The following NCAN variants were observed in gnomAD, a reference collection of about 807,000 sequenced individuals.
NCAN encodes neurocan.
In NCAN, 47 loss-of-function variants were observed where a neutral mutation model predicts 121.8. That is an observed-to-expected ratio of 0.39 (90% CI 0.31 to 0.49). The LOEUF is 0.49. Ranked by LOEUF, NCAN falls within the 20% of genes least tolerant of loss-of-function variation. The pLI, the probability that NCAN is intolerant of heterozygous loss-of-function variation, is 0.92. For synonymous variants in NCAN, 633 were observed against 702.0 expected (o/e 0.90, Z 1.55); for missense variants, 1,517 against 1,773.4 (o/e 0.86, Z 2.60).
intron 9 of NCAN, among the ~76,000 whole-genome samples, chr19:19,234,682 A>C (rs1349134522): frequency 6.6e-6 from 1 of 152,240 alleles, no homozygotes; most frequent in Non-Finnish European, 1.5e-5. Context: ...TCAGCATTCT[A>C]TGAGCCTGTT....
intron 5 of NCAN, 81 bp downstream of exon 5, chr19:19,224,514 G>T (rs762695032): frequency 1.2e-5 from 19 of 1,534,562 alleles, no homozygotes; most frequent in Non-Finnish European, 1.6e-5. Flanking sequence ...ATCCTCCGGG[G>T]TCCTTATGCA....
At chr19:19,234,342 CTATG>C (rs1364207050) in intron 9 of NCAN, among the ~76,000 whole-genome samples, 2 of 152,144 alleles carry the variant, frequency 1.3e-5, no homozygotes, top group African/African-American at 4.8e-5. Flanking sequence ...TTTTTGAGCT[CTATG>C]TGTCATCTTG....
rs185476457 is a variant in NCAN, at chr19:19,217,415, C to T, written c.73+389C>T. Among the ~76,000 whole-genome samples the T allele has an allele frequency of 7.2e-5, 11 of 152,254 alleles. No homozygotes were observed. In the East Asian group the frequency reaches 1.9e-3, roughly 27 times the overall value. On this transcript the variant is annotated intron_variant, in intron 2 of 14. Transcript: ENST00000252575. ...AATCCCTCACAGATTTGGTCTGTGA[C>T]CTTAGGCAAGTATAATTATCTCTCT...
At chr19:19,219,604 G>C (rs909079960) in intron 3 of NCAN, among the ~76,000 whole-genome samples, 1 of 124,330 alleles carries the variant, frequency 8.0e-6, no homozygotes, top group African/African-American at 3.1e-5. Context: ...ATAGGTGGGA[G>C]GATCACTTGA....
chr19:19,223,213 C>A (rs773350092), intron 3 of NCAN, among the ~76,000 whole-genome samples: 1 of 152,172 alleles, frequency 6.6e-6, no homozygotes, highest in Admixed American at 6.5e-5. Flanking sequence ...TTAGCGCATG[C>A]ACTTAATTCC....
At chr19:19,230,923 G>GTGTA (rs938028417) in intron 8 of NCAN, among the ~76,000 whole-genome samples, 1 of 148,930 alleles carries the variant, frequency 6.7e-6, no homozygotes, top group Non-Finnish European at 1.5e-5. Flanking sequence ...GTGTGTGTGT[G>GTGTA]TGTGTAGAGA....
chr19:19,222,276 C>G (rs1436562878), intron 3 of NCAN, among the ~76,000 whole-genome samples: 14 of 152,110 alleles, frequency 9.2e-5, no homozygotes, highest in Non-Finnish European at 1.9e-4. Context: ...TTCATTCAGC[C>G]AAACTCTTTT....
chr19:19,238,166 CCT>C, intron 10 of NCAN, 85 bp from the exon 11 acceptor site: 1 of 1,565,096 alleles, frequency 6.4e-7, no homozygotes, highest in Non-Finnish European at 8.8e-7. Context: ...TGGATTGGGC[CCT>C]CTCTCTGGTG....
At chr19:19,236,519 C>CT (rs1435824992) in intron 10 of NCAN, among the ~76,000 whole-genome samples, 1 of 151,928 alleles carries the variant, frequency 6.6e-6, no homozygotes, top group African/African-American at 2.4e-5. Flanking sequence ...ATTTGCCATT[C>CT]TTTTTTTTCC....
At chr19:19,236,309 G>A (rs144269573) in intron 10 of NCAN, among the ~76,000 whole-genome samples, 201 of 152,248 alleles carry the variant, frequency 1.3e-3, no homozygotes, top group Non-Finnish European at 2.0e-3. Flanking sequence ...CACTTGGCAT[G>A]TTTTCAAGGT....
At chr19:19,215,158 T>A (rs530175130) in intron 1 of NCAN, among the ~76,000 whole-genome samples, 27 of 152,180 alleles carry the variant, frequency 1.8e-4, no homozygotes, top group Non-Finnish European at 3.8e-4. Flanking sequence ...CAGGCCGGCC[T>A]CCCAGCAGGG....
In NCAN at chr19:19,223,933, G is replaced by A. The variant is rs1433171026; in HGVS notation, c.476-88G>A. On this transcript the variant is annotated intron_variant, in intron 3 of 14. Transcript: ENST00000252575. ...CTAGGTCTATTATTATCAGACAGGG[G>A]TGGGGAGTCATTCTGCAAGAGGTAG... 9 of 1,347,250 alleles carry A rather than the reference G, an allele frequency of 6.7e-6. No individual in the cohort carries two copies. The East Asian group carries it at 2.2e-4, about 33-fold the overall frequency. 83.5% of individuals were successfully genotyped at this position (1,347,250 alleles called of 1,614,324 possible).
intron 5 of NCAN, 32 bp downstream of exon 5, chr19:19,224,465 C>G: frequency 1.9e-6 from 3 of 1,604,372 alleles, no homozygotes; most frequent in Non-Finnish European, 2.6e-6. Context: ...CCCGGCCCCT[C>G]CGCCTCTCTT....
chr19:19,224,945 G>GC (rs1033914165), intron 5 of NCAN, 32 bp from the exon 6 acceptor site: 2 of 1,370,994 alleles, frequency 1.5e-6, no homozygotes, highest in Non-Finnish European at 1.9e-6. Context: ...GGGTTCCCCA[G>GC]CCCCCCTGAC....
chr19:19,233,825 A>C lies in NCAN; in HGVS notation c.3056A>C (p.His1019Pro). 6.2e-7 allele frequency: 1 copy of C among 1,614,004 alleles called. No individual in the cohort carries two copies. The highest frequency in any genetic ancestry group is 8.5e-7 in the Non-Finnish European group (1 of 1,179,900). Residue 1019 changes from histidine to proline, a missense_variant, in exon 9 of 15, where the codon CAT becomes CCT. His to Pro is a moderately conservative substitution (Grantham distance 77). Coordinates refer to ENST00000252575, the MANE Select transcript of NCAN (RefSeq NM_004386.3). ...CCCTGTGAGAACAACCCTTGTCTTC[A>C]TGGAGGGACATGTAATGCCAATGGC... Reference protein sequence around the residue: ...SDPCENNPCLHGGTCNANGTM... With the variant: ...SDPCENNPCLPGGTCNANGTM...
At chr19:19,238,508 C>A in intron 11 of NCAN, 97 bp downstream of exon 11, 1 of 1,440,548 alleles carries the variant, frequency 6.9e-7, no homozygotes, top group Non-Finnish European at 9.7e-7. Context: ...CCCTGGTTTT[C>A]AAGACGTCAT....
At chr19:19,229,867 C>G (rs1390478065) in intron 8 of NCAN, among the ~76,000 whole-genome samples, 1 of 152,102 alleles carries the variant, frequency 6.6e-6, no homozygotes, top group Non-Finnish European at 1.5e-5. Flanking sequence ...CTCTTGAGCT[C>G]AAGAGTTAAG....
intron 1 of NCAN, among the ~76,000 whole-genome samples, chr19:19,213,449 C>T (rs80290080): frequency 0.048 from 6,649 of 137,756 alleles, 232 homozygotes; most frequent in East Asian, 0.14. Flanking sequence ...GGGCTGGCAT[C>T]GCCGTGTGAG....
intron 12 of NCAN, 86 bp from the exon 13 acceptor site, chr19:19,245,227 G>A (rs1398462249): frequency 1.4e-5 from 22 of 1,528,630 alleles, no homozygotes; most frequent in Non-Finnish European, 2.0e-5. Context: ...GAGGGGTCTG[G>A]CCAGGGGAGT....
Sources: allele counts gnomAD v4.1 joint callset (sites outside exome capture counted in the v4.1 genomes callset), GRCh38; gene constraint gnomAD v4.1.1; transcripts MANE v1.5; gene names NCBI Gene and HGNC (gene_info 2026-07-23, HGNC 2026-07-21).